The following ITFG1 variants were observed in gnomAD, a reference collection of about 807,000 sequenced individuals.
The protein encoded by ITFG1 is integrin alpha FG-GAP repeat containing 1.
In ITFG1, 34 loss-of-function variants were observed where a neutral mutation model predicts 81.8. The ratio of observed to expected loss-of-function variants is 0.42; its 90% CI spans 0.32 to 0.55. The LOEUF is 0.55. Among genes scored for constraint, ITFG1 ranks in the 20% least tolerant of loss-of-function variants. The pLI is 0.17. For missense variants in ITFG1, 672 were observed against 755.4 expected, an observed-to-expected ratio of 0.89 and a Z score of 1.29; for synonymous variants, 285 against 270.6, an observed-to-expected ratio of 1.05 and a Z score of -0.52.
chr16:47,263,494 T>C, intron 10 of ITFG1: 2 of 347,042 alleles, frequency 5.8e-6, no homozygotes, highest in South Asian at 5.6e-5. Context: ...ATGATGGATC[T>C]ACCCCAGGAG....
Position 47,371,643 on chromosome 16 carries a change from C to T in ITFG1, c.720+4233G>A, listed in dbSNP as rs77998730. Among the ~76,000 whole-genome samples, 412 of 152,252 alleles carry T rather than the reference C, an allele frequency of 2.7e-3. 2 individuals are homozygous for T. Among genetic ancestry groups the T allele is most frequent in the Non-Finnish European group, 4.3e-3 (293 of 68,018 alleles). ...AGTATGTAATGATGACTGCATGCCC[C>T]TATCTTTATTTATGTAAAGCAGTGG... is the stretch of plus-strand genomic sequence containing the variant. On this transcript the variant is annotated intron_variant, in intron 7 of 17. Coordinates refer to ENST00000320640, the MANE Select transcript of ITFG1 (RefSeq NM_030790.5).
At chr16:47,346,584 T>C in intron 8 of ITFG1, among the ~76,000 whole-genome samples, 1 of 152,108 alleles carries the variant, frequency 6.6e-6, no homozygotes, top group East Asian at 1.9e-4. Context: ...AAGCAGGCAT[T>C]ATAACTGATA....
At chr16:47,334,697 C>A (rs1396934840) in intron 8 of ITFG1, among the ~76,000 whole-genome samples, 2 of 152,132 alleles carry the variant, frequency 1.3e-5, no homozygotes, top group African/African-American at 2.4e-5. Flanking sequence ...CCTGCAGCTC[C>A]TTCCCCACCC....
In ITFG1 at chr16:47,413,865, G is replaced by C. The variant is rs576095880; in HGVS notation, c.655+14939C>G. On this transcript the variant is annotated intron_variant, in intron 6 of 17. Coordinates refer to ENST00000320640, the MANE Select transcript of ITFG1 (RefSeq NM_030790.5). Reference sequence around the variant, plus strand: ...TACTTATTCTCGCTCTTATCCCCCAGGCTAGAGTGTGATGGTGCGATCTTG... The same window carrying C: ...TACTTATTCTCGCTCTTATCCCCCACGCTAGAGTGTGATGGTGCGATCTTG... Among the ~76,000 whole-genome samples, 3 of 152,238 alleles carry C rather than the reference G, an allele frequency of 2.0e-5. No homozygotes were observed. The East Asian group carries it at 5.8e-4, about 30-fold the overall frequency.
chr16:47,243,088 CATA>C (rs1567433487), intron 12 of ITFG1, among the ~76,000 whole-genome samples: 1 of 151,942 alleles, frequency 6.6e-6, no homozygotes, highest in African/African-American at 2.4e-5. Context: ...CAGCACTATT[CATA>C]ATAAGAGATT....
chr16:47,361,719 T>A (rs1163159906), intron 8 of ITFG1, among the ~76,000 whole-genome samples: 1 of 152,178 alleles, frequency 6.6e-6, no homozygotes, highest in Non-Finnish European at 1.5e-5. Flanking sequence ...ATTCTGCAAA[T>A]GATAACTTTT....
At chr16:47,412,271 T>C (rs1212695060) in intron 6 of ITFG1, among the ~76,000 whole-genome samples, 1 of 152,112 alleles carries the variant, frequency 6.6e-6, no homozygotes, top group African/African-American at 2.4e-5. Flanking sequence ...TTGAAATGGC[T>C]GAAATGACAG....
At chr16:47,189,933 A>C (rs1486932982) in intron 14 of ITFG1, among the ~76,000 whole-genome samples, 1 of 152,150 alleles carries the variant, frequency 6.6e-6, no homozygotes, top group Admixed American at 6.5e-5. Flanking sequence ...ATTAGGTGTT[A>C]TTGCTTGTGG....
chr16:47,200,489 T>C (rs1965412230), intron 14 of ITFG1, among the ~76,000 whole-genome samples: 1 of 152,236 alleles, frequency 6.6e-6, no homozygotes, highest in Non-Finnish European at 1.5e-5. Context: ...CAGAAGTTTA[T>C]TTCCTACATT....
intron 14 of ITFG1, among the ~76,000 whole-genome samples, chr16:47,180,369 C>T (rs953933704): frequency 3.3e-5 from 5 of 151,444 alleles, no homozygotes; most frequent in Non-Finnish European, 5.9e-5. Flanking sequence ...CCCTCTCCCT[C>T]CCCCTCCCCC....
intron 14 of ITFG1, chr16:47,196,212 T>C (rs1195518674): frequency 6.6e-6 from 1 of 151,984 alleles, no homozygotes; most frequent in African/African-American, 2.4e-5. Context: ...GTTTTTTTTT[T>C]TTTTTGGTAT....
chr16:47,179,424 TAACA>T (rs1965071961), intron 14 of ITFG1, among the ~76,000 whole-genome samples: 1 of 152,186 alleles, frequency 6.6e-6, no homozygotes, highest in African/African-American at 2.4e-5. Context: ...TATACATATG[TAACA>T]AACCTGCATG....
chr16:47,248,723 C>T lies in ITFG1; in HGVS notation c.1330+9909G>A, dbSNP rs143502437. On this transcript the variant is annotated intron_variant, in intron 12 of 17. Transcript: ENST00000320640. ...AATTTACTATGATTACAGCAAAAGC[C>T]CATTTTTTAAAAGTGAGACAGTTAT... Among the ~76,000 whole-genome samples the T allele has an allele frequency of 1.2e-3, 189 of 152,062 alleles. 5 individuals carry two copies. In the South Asian group the frequency reaches 0.025, roughly 20 times the overall value.
At chr16:47,243,329 T>C (rs1965959557) in intron 12 of ITFG1, among the ~76,000 whole-genome samples, 1 of 152,294 alleles carries the variant, frequency 6.6e-6, no homozygotes, top group Non-Finnish European at 1.5e-5. Context: ...AGACCTACTT[T>C]TATCATATAC....
intron 6 of ITFG1, among the ~76,000 whole-genome samples, chr16:47,393,120 A>G (rs1168425624): frequency 2.0e-5 from 3 of 152,214 alleles, no homozygotes; most frequent in Non-Finnish European, 4.4e-5. Flanking sequence ...AGAGATGCAG[A>G]GCTAGAAAAG....
chr16:47,159,034 A>G, intron 16 of ITFG1, 44 bp from the exon 17 acceptor site: 1 of 1,088,306 alleles, frequency 9.2e-7, no homozygotes, highest in Non-Finnish European at 1.3e-6. Flanking sequence ...AATTTTATTT[A>G]AAAATAACAA....
At position 47,210,450 on chromosome 16, in the gene ITFG1, ATCTT is replaced by A. The variant is rs373526353; in HGVS notation, c.1453+8414_1453+8417del. 6.6e-4 allele frequency among the ~76,000 whole-genome samples: 100 copies of A among 152,302 alleles called. 1 individual carries two copies. In the East Asian group the frequency reaches 0.012, roughly 19 times the overall value. On this transcript the variant is annotated intron_variant, in intron 14 of 17. Coordinates refer to ENST00000320640, the MANE Select transcript of ITFG1 (RefSeq NM_030790.5). Reference sequence around the variant, plus strand: ...TTTGTCAGATATGTGATTTGCAAATATCTTTCTTTCAGGCTGTAGATTGTCTTTT... The same window carrying A: ...TTTGTCAGATATGTGATTTGCAAATATCTTTCAGGCTGTAGATTGTCTTTT...
At position 47,155,011 on chromosome 16, in the gene ITFG1, C is replaced by T. The variant is rs2151503195; in HGVS notation, c.*708G>A. The T allele has an allele frequency of 6.6e-6, 1 of 152,318 alleles. No individual in the cohort carries two copies. Among genetic ancestry groups the T allele is most frequent in the East Asian group, 1.9e-4 (1 of 5,188 alleles). The allele number at this position is 152,318 out of a possible 1,614,324, so 9.4% of individuals were successfully genotyped here. On this transcript the variant is annotated 3_prime_UTR_variant, in exon 18 of 18. Transcript: ENST00000320640. ...AAAATATTAATAATGACAACTACCA[C>T]ATATTGACCACTTACTCTGTGCTAG...
intron 13 of ITFG1, among the ~76,000 whole-genome samples, chr16:47,223,258 T>TTC (rs1965715389): frequency 6.6e-6 from 1 of 151,838 alleles, no homozygotes; most frequent in Admixed American, 6.6e-5. Context: ...ACCAAAGAGC[T>TTC]TCTGCACAGC....
Sources: gnomAD v4.1 joint callset for allele counts (sites outside exome capture counted in the v4.1 genomes callset) on GRCh38, gnomAD v4.1.1 for gene constraint, MANE v1.5 for transcripts, NCBI Gene and HGNC (gene_info 2026-07-23, HGNC 2026-07-21) for gene names.